The following KCNN2 variants were observed in gnomAD, a reference collection of about 807,000 sequenced individuals.
KCNN2 encodes the protein potassium calcium-activated channel subfamily N member 2.
KCNN2 carries 24 observed loss-of-function variants against 55.5 expected under a neutral mutation model. The observed-to-expected ratio is 0.43, with a 90% CI of 0.31 to 0.61. The LOEUF (loss-of-function observed/expected upper bound fraction) is 0.61, where lower values mean the gene tolerates loss of function less well. Among genes scored for constraint, KCNN2 ranks in the 20% least tolerant of loss-of-function variants. The pLI, the probability that KCNN2 is intolerant of heterozygous loss-of-function variation, is 0.08. For synonymous variants in KCNN2, 431 were observed against 336.1 expected, an observed-to-expected ratio of 1.28 and a Z score of -3.09; for missense variants, 754 against 853.6, an observed-to-expected ratio of 0.88 and a Z score of 1.45.
chr5:114,449,593 T>C (rs1396517445), intron 3 of KCNN2, among the ~76,000 whole-genome samples: 1 of 152,138 alleles, frequency 6.6e-6, no homozygotes, highest in African/African-American at 2.4e-5. Context: ...CTGTGGGTCA[T>C]GCAGAACAAG....
At chr5:114,288,949 CTATA>C (rs1238766850) in intron 2 of KCNN2, among the ~76,000 whole-genome samples, 1 of 151,988 alleles carries the variant, frequency 6.6e-6, no homozygotes, top group Non-Finnish European at 1.5e-5. Flanking sequence ...AGATTTAACC[CTATA>C]TTTTTTTCTA....
intron 3 of KCNN2, among the ~76,000 whole-genome samples, chr5:114,448,378 C>G (rs922343566): frequency 9.2e-5 from 14 of 152,158 alleles, no homozygotes; most frequent in Non-Finnish European, 1.9e-4. Context: ...CAGCTTCGTT[C>G]ACTACACTGT....
At chr5:114,108,567 A>C (rs968346389) in intron 1 of KCNN2, among the ~76,000 whole-genome samples, 1 of 152,076 alleles carries the variant, frequency 6.6e-6, no homozygotes, top group Non-Finnish European at 1.5e-5. Flanking sequence ...CACAGATTAC[A>C]TTAGTTTTTC....
rs151015541 is a variant in KCNN2 at position 114,420,994 on chromosome 5, A to G, written c.1637+16138A>G. 4.3e-3 allele frequency among the ~76,000 whole-genome samples: 661 copies of G among 152,322 alleles called. 5 individuals are homozygous for G. Among genetic ancestry groups the G allele is most frequent in the African/African-American group, 0.015 (618 of 41,572 alleles). ...ATTTAAGACAGTTTGGGATATGACT[A>G]AAAATTGTGGTGGTGATTCTTTGGC... On this transcript the variant is annotated intron_variant, in intron 3 of 7. Coordinates refer to ENST00000673685, the MANE Select transcript of KCNN2 (RefSeq NM_021614.4).
intron 2 of KCNN2, among the ~76,000 whole-genome samples, chr5:114,322,050 A>G (rs1756625229): frequency 6.6e-6 from 1 of 152,244 alleles, no homozygotes; most frequent in African/African-American, 2.4e-5. Flanking sequence ...GAAGTTTTCA[A>G]TAACATTCTA....
At chr5:114,120,836 C>T (rs563961510) in intron 1 of KCNN2, among the ~76,000 whole-genome samples, 2 of 152,224 alleles carry the variant, frequency 1.3e-5, no homozygotes, top group South Asian at 2.1e-4. Context: ...CACTTAGTTC[C>T]ACTATGTAAA....
intron 2 of KCNN2, among the ~76,000 whole-genome samples, chr5:114,291,549 A>G (rs1200643661): frequency 1.3e-5 from 2 of 151,860 alleles, no homozygotes; most frequent in Non-Finnish European, 1.5e-5. Flanking sequence ...ATAGTATGCC[A>G]TGGTGTATAT....
At chr5:114,190,579 C>A (rs1753428965) in intron 1 of KCNN2, among the ~76,000 whole-genome samples, 1 of 152,018 alleles carries the variant, frequency 6.6e-6, no homozygotes, top group African/African-American at 2.4e-5. Context: ...ACATTTTAAA[C>A]AATATATAGT....
intron 2 of KCNN2, among the ~76,000 whole-genome samples, chr5:114,296,085 A>C (rs1379561): frequency 0.55 from 84,325 of 152,004 alleles, 25,069 homozygotes; most frequent in Non-Finnish European, 0.66. Context: ...ACTGTACTCT[A>C]TCCTCAGATT....
intron 1 of KCNN2, among the ~76,000 whole-genome samples, chr5:114,073,021 C>A (rs930051039): frequency 1.3e-5 from 2 of 152,168 alleles, no homozygotes; most frequent in Non-Finnish European, 2.9e-5. Flanking sequence ...TCTGGTCATT[C>A]ATGAACAGGA....
chr5:114,330,530 G>C (rs985501716), intron 2 of KCNN2, among the ~76,000 whole-genome samples: 9 of 151,864 alleles, frequency 5.9e-5, no homozygotes, highest in Non-Finnish European at 1.0e-4. Context: ...CATTTTTTGG[G>C]GGGGCTTATT....
chr5:114,263,633 CTA>C (rs1250487098), intron 2 of KCNN2, among the ~76,000 whole-genome samples: 2 of 152,078 alleles, frequency 1.3e-5, no homozygotes, highest in African/African-American at 4.8e-5. Context: ...CAAGGTAACT[CTA>C]TTTCTGTTTG....
chr5:114,211,007 C>T (rs1018629459), intron 1 of KCNN2, among the ~76,000 whole-genome samples: 8 of 151,812 alleles, frequency 5.3e-5, no homozygotes, highest in Admixed American at 1.3e-4. Flanking sequence ...ATCAAAACAA[C>T]AAGATACCAT....
intron 1 of KCNN2, among the ~76,000 whole-genome samples, chr5:114,063,722 A>AGAC (rs1750380326): frequency 6.6e-6 from 1 of 152,202 alleles, no homozygotes. Flanking sequence ...AGTTTGACCC[A>AGAC]GACCATCCTG....
chr5:114,198,463 T>TACACAG (rs1753604962), intron 1 of KCNN2, among the ~76,000 whole-genome samples: 1 of 147,820 alleles, frequency 6.8e-6, no homozygotes, highest in South Asian at 2.1e-4. Context: ...TATATACATA[T>TACACAG]ACACACACAC....
At chr5:114,448,106 C>A (rs1760494427) in intron 3 of KCNN2, among the ~76,000 whole-genome samples, 1 of 152,124 alleles carries the variant, frequency 6.6e-6, no homozygotes, top group African/African-American at 2.4e-5. Flanking sequence ...TTTTCTCCAA[C>A]CATTATATGT....
intron 2 of KCNN2, among the ~76,000 whole-genome samples, chr5:114,342,615 C>G (rs1757035997): frequency 6.6e-6 from 1 of 151,966 alleles, no homozygotes; most frequent in African/African-American, 2.4e-5. Context: ...CATAGAAAAC[C>G]AACATTCTAA....
chr5:114,075,296 T>G (rs978439028), intron 1 of KCNN2, among the ~76,000 whole-genome samples: 2 of 152,176 alleles, frequency 1.3e-5, no homozygotes, highest in Admixed American at 1.3e-4. Flanking sequence ...AGGGCAAGAA[T>G]AATACAAAAG....
intron 2 of KCNN2, among the ~76,000 whole-genome samples, chr5:114,287,204 G>A (rs750739913): frequency 6.6e-6 from 1 of 152,116 alleles, no homozygotes; most frequent in Non-Finnish European, 1.5e-5. Context: ...ATTCCTCAAG[G>A]ATCTAGAAAC....
Sources: gnomAD v4.1 joint callset for allele counts (sites outside exome capture counted in the v4.1 genomes callset) on GRCh38, gnomAD v4.1.1 for gene constraint, MANE v1.5 for transcripts, NCBI Gene and HGNC (gene_info 2026-07-23, HGNC 2026-07-21) for gene names.